Variants in DNAJC30 observed in about 807,000 individuals in gnomAD.
DNAJC30 encodes the protein dnaJ homolog subfamily C member 30, mitochondrial.
In DNAJC30, 16 loss-of-function variants were observed where a neutral mutation model predicts 15.4. The observed-to-expected ratio is 1.04, with a 90% CI of 0.70 to 1.58. The LOEUF is 1.58. Ranked by LOEUF, DNAJC30 falls within the 40% of genes most tolerant of loss-of-function variation. The pLI is 0.00. For synonymous variants in DNAJC30, 161 were observed against 140.2 expected, an observed-to-expected ratio of 1.15 and a Z score of -1.05; for missense variants, 352 against 320.9, an observed-to-expected ratio of 1.10 and a Z score of -0.74.
At position 73,682,931 on chromosome 7, in the gene DNAJC30, CA is replaced by C; in HGVS notation, c.492del (p.Phe164LeufsTer19). The C allele has an allele frequency of 6.2e-7, 1 of 1,613,748 alleles. No homozygotes were observed. The highest frequency in any genetic ancestry group is 8.5e-7 in the Non-Finnish European group (1 of 1,179,898). On this transcript the variant is annotated frameshift_variant, in exon 1 of 1. Transcript: ENST00000395176. LOFTEE classifies it high-confidence loss of function. ...CCGTAGTGGGCCTGGTAGAAGGCGT[CA>C]AAGTTGAACATCGTGCGGTTGGCGC... ...SPGANRTMFN[F>X]DAFYQAHYGE...
In DNAJC30 at chr7:73,682,940, A is replaced by G; in HGVS notation, c.484T>C (p.Phe162Leu). ...GCCTGGTAGAAGGCGTCAAAGTTGA[A>G]CATCGTGCGGTTGGCGCCGGGGGAG... ...RASPGANRTM[F>L]NFDAFYQAHY... Residue 162 changes from phenylalanine to leucine, a missense_variant, in exon 1 of 1, where the codon TTC becomes CTC. Coordinates refer to ENST00000395176, the MANE Select transcript of DNAJC30 (RefSeq NM_032317.3). 6.2e-7 allele frequency: 1 copy of G among 1,612,460 alleles called. No homozygotes were observed. Among genetic ancestry groups the G allele is most frequent in the Non-Finnish European group, 8.5e-7 (1 of 1,178,974 alleles).
In DNAJC30 at chr7:73,681,789, C is replaced by G. The variant is rs1287749008; in HGVS notation, c.*954G>C. ...TGGCCAGCATGGTGAAACCCCGTAT[C>G]TACTAAAAATACAAAACACTAGCCA... On this transcript the variant is annotated 3_prime_UTR_variant, in exon 1 of 1. Transcript: ENST00000395176. 2 of 152,186 alleles carry G rather than the reference C, an allele frequency of 1.3e-5. No individual in the cohort carries two copies. Among genetic ancestry groups the G allele is most frequent in the African/African-American group, 4.8e-5 (2 of 41,418 alleles). The allele number at this position is 152,186 out of a possible 1,614,324, so 9.4% of individuals were successfully genotyped here. A position where few individuals can be genotyped will look rare whatever the true frequency, so the allele number is the denominator to read the frequency against.
chr7:73,683,382 A>T lies in DNAJC30; in HGVS notation c.42T>A (p.Pro14=). 1 of 1,612,718 alleles carries T rather than the reference A, an allele frequency of 6.2e-7. No individual in the cohort carries two copies. Among genetic ancestry groups the T allele is most frequent in the Non-Finnish European group, 8.5e-7 (1 of 1,179,818 alleles). ...AGCCACGGGCCTGCAGCAACCTCCA[A>T]GGTAACAGCCGCTGCCACCATCGCC... The part of the protein sequence containing the change: ...MRWRWWQRLL[P]WRLLQARGFP... The change falls in exon 1 of 1, where the codon CCT becomes CCA. Residue 14 remains proline (P), a synonymous_variant. Coordinates refer to ENST00000395176, the MANE Select transcript of DNAJC30 (RefSeq NM_032317.3).
Position 73,683,240 on chromosome 7 carries a change from G to A in DNAJC30, c.184C>T (p.Gln62Ter). The part of the protein sequence containing the change: ...DLLGVPSTAT[Q>*]AQIKAAYYRQ... Reference sequence around the variant, plus strand: ...TAGTAAGCCGCCTTGATTTGGGCCTGCGTGGCTGTGGAGGGGACGCCGAGC... The same window carrying A: ...TAGTAAGCCGCCTTGATTTGGGCCTACGTGGCTGTGGAGGGGACGCCGAGC... Residue 62 changes from glutamine (Q) to a stop codon, truncating the protein, a stop_gained, in exon 1 of 1, where the codon CAG (glutamine) becomes TAG (stop). Coordinates refer to ENST00000395176, the MANE Select transcript of DNAJC30 (RefSeq NM_032317.3). LOFTEE classifies it high-confidence loss of function. 6.2e-7 allele frequency: 1 copy of A among 1,614,190 alleles called. No individual in the cohort carries two copies. The highest frequency in any genetic ancestry group is 8.5e-7 in the Non-Finnish European group (1 of 1,180,044).
At position 73,683,104 on chromosome 7, in the gene DNAJC30, C is replaced by T. The variant is rs1554611684; in HGVS notation, c.320G>A (p.Arg107His). 1 of 1,610,662 alleles carries T rather than the reference C, an allele frequency of 6.2e-7. No homozygotes were observed. The change falls in exon 1 of 1, where the codon CGT becomes CAT. Residue 107 changes from arginine to histidine, a missense_variant. Physicochemically the swap from Arg to His is conservative, Grantham distance 29. Coordinates refer to ENST00000395176, the MANE Select transcript of DNAJC30 (RefSeq NM_032317.3). The stretch of plus-strand genomic sequence containing the variant: ...GAGTAGGCCGCGATCATACTTGCGA[C>T]GGAGGGTGGCACTGCCCAGCACCAC... ...AYVVLGSATLRRKYDRGLLSD... is the reference protein window; with the variant it reads ...AYVVLGSATLHRKYDRGLLSD...
Position 73,682,763 on chromosome 7 carries a change from T to C in DNAJC30, c.661A>G (p.Ile221Val). ...TCCGATTAAATATAAAAGCCGATGA[T>C]GATGAAGATTGAAAAGATGAGGAAA... is the stretch of plus-strand genomic sequence containing the variant. ...AIFLIFSIFI[I>V]IGFYI The change falls in exon 1 of 1, where the codon ATC becomes GTC. Residue 221 changes from isoleucine to valine, a missense_variant. Coordinates refer to ENST00000395176, the MANE Select transcript of DNAJC30 (RefSeq NM_032317.3). 6.2e-7 allele frequency: 1 copy of C among 1,607,318 alleles called. No individual in the cohort carries two copies. The highest frequency in any genetic ancestry group is 8.5e-7 in the Non-Finnish European group (1 of 1,175,486).
Position 73,682,895 on chromosome 7 carries a change from CCA to C in DNAJC30, c.527_528del (p.Leu176ArgfsTer104), listed in dbSNP as rs1797758622. 6.2e-7 allele frequency: 1 copy of C among 1,614,096 alleles called. No individual in the cohort carries two copies. Among genetic ancestry groups the C allele is most frequent in the East Asian group, 2.2e-5 (1 of 44,882 alleles). ...CGGGCCCTCAGGCGCCGTTCCCGCTCCAGTTGTTCCCCGTAGTGGGCCTGGTA... is the reference window on the plus strand; with the variant it reads ...CGGGCCCTCAGGCGCCGTTCCCGCTCGTTGTTCCCCGTAGTGGGCCTGGTA... ...AFYQAHYGEQ[L>X]ERERRLRARR... On this transcript the variant is annotated frameshift_variant, in exon 1 of 1. Coordinates refer to ENST00000395176, the MANE Select transcript of DNAJC30 (RefSeq NM_032317.3). LOFTEE classifies it high-confidence loss of function.
chr7:73,682,636 C>A lies in DNAJC30; in HGVS notation c.*107G>T. The A allele has an allele frequency of 7.3e-7, 1 of 1,378,452 alleles. No individual in the cohort carries two copies. Among genetic ancestry groups the A allele is most frequent in the South Asian group, 1.5e-5 (1 of 68,158 alleles). 85.4% of individuals were successfully genotyped at this position (1,378,452 alleles called of 1,614,324 possible). On this transcript the variant is annotated 3_prime_UTR_variant, in exon 1 of 1. Transcript: ENST00000395176. ...GAGGGCAGGGGGAGTACAGTTCCTT[C>A]GGATCCCAGCAAAGGTAGACTATCA...
At position 73,683,301 on chromosome 7, in the gene DNAJC30, G is replaced by A. The variant is rs782543414; in HGVS notation, c.123C>T (p.Gly41=). ...LGLGARTYSQ[G]DCSYSRTALY... is the part of the protein sequence containing the mutation. Reference sequence around the variant, plus strand: ...GCGCCGTGCGCGAATACGAGCAGTCGCCCTGGGAATAAGTCCTCGCTCCTA... The same window carrying A: ...GCGCCGTGCGCGAATACGAGCAGTCACCCTGGGAATAAGTCCTCGCTCCTA... Residue 41 remains glycine, a synonymous_variant, in exon 1 of 1, where the codon GGC becomes GGT. Transcript: ENST00000395176. The A allele has an allele frequency of 3.1e-6, 5 of 1,613,932 alleles. No homozygotes were observed. Among genetic ancestry groups the A allele is most frequent in the Non-Finnish European group, 4.2e-6 (5 of 1,180,050 alleles).
At position 73,681,021 on chromosome 7, in the gene DNAJC30, T is replaced by G. The variant is rs1797695252; in HGVS notation, c.*1722A>C. On this transcript the variant is annotated 3_prime_UTR_variant, in exon 1 of 1. Transcript: ENST00000395176. ...TTACCTAAGGATTTTACACAATACA[T>G]TGAGTGCAGGAATGGCACGCAATGA... is the stretch of plus-strand genomic sequence containing the variant. 1 of 152,164 alleles carries G rather than the reference T, an allele frequency of 6.6e-6. No homozygotes were observed. The highest frequency in any genetic ancestry group is 1.5e-5 in the Non-Finnish European group (1 of 68,042). 9.4% of individuals were successfully genotyped at this position (152,164 alleles called of 1,614,324 possible).
In DNAJC30 at chr7:73,682,915, G is replaced by A; in HGVS notation, c.509C>T (p.Ala170Val). 1.2e-6 allele frequency: 2 copies of A among 1,614,002 alleles called. No homozygotes were observed. Among genetic ancestry groups the A allele is most frequent in the African/African-American group, 1.3e-5 (1 of 75,078 alleles). Reference sequence around the variant, plus strand: ...CCGCTCCAGTTGTTCCCCGTAGTGGGCCTGGTAGAAGGCGTCAAAGTTGAA... The same window carrying A: ...CCGCTCCAGTTGTTCCCCGTAGTGGACCTGGTAGAAGGCGTCAAAGTTGAA... ...TMFNFDAFYQ[A>V]HYGEQLERER... is the part of the protein sequence containing the mutation. The change falls in exon 1 of 1, where the codon GCC becomes GTC. Residue 170 changes from alanine to valine, a missense_variant. Coordinates refer to ENST00000395176, the MANE Select transcript of DNAJC30 (RefSeq NM_032317.3).
rs782558149 is a variant in DNAJC30, at chr7:73,682,838, G to C, written c.586C>G (p.Arg196Gly). ...TCCCAGCGGAGGCCTTTCATGGACC[G>C]ATACTCCTGCCGTTTGCGAAGGGCC... is the stretch of plus-strand genomic sequence containing the variant. ...REALRKRQEY[R>G]SMKGLRWEDT... Residue 196 changes from arginine to glycine, a missense_variant, in exon 1 of 1, where the codon CGG becomes GGG. Transcript: ENST00000395176. 14 of 1,613,936 alleles carry C rather than the reference G, an allele frequency of 8.7e-6. No homozygotes were observed. Among genetic ancestry groups the C allele is most frequent in the Non-Finnish European group, 1.1e-5 (13 of 1,180,050 alleles).
At position 73,682,987 on chromosome 7, in the gene DNAJC30, C is replaced by T. The variant is rs1418931872; in HGVS notation, c.437G>A (p.Arg146Gln). Residue 146 changes from arginine to glutamine, a missense_variant, in exon 1 of 1, where the codon CGG becomes CAG. By Grantham distance (43) the Arg-to-Gln change is conservative. Coordinates refer to ENST00000395176, the MANE Select transcript of DNAJC30 (RefSeq NM_032317.3). ...GGAGGCCCGAGAACCGTCGTGGGTCCGAGAGGTGGGCGGCGGGGTACGCGG... is the reference window on the plus strand; with the variant it reads ...GGAGGCCCGAGAACCGTCGTGGGTCTGAGAGGTGGGCGGCGGGGTACGCGG... ...GSPRTPPPTS[R>Q]THDGSRASPG... 5.6e-6 allele frequency: 9 copies of T among 1,599,036 alleles called. No homozygotes were observed. Among genetic ancestry groups the T allele is most frequent in the Admixed American group, 1.7e-5 (1 of 58,700 alleles).
At position 73,682,640 on chromosome 7, in the gene DNAJC30, TC is replaced by T; in HGVS notation, c.*102del. On this transcript the variant is annotated 3_prime_UTR_variant, in exon 1 of 1. Coordinates refer to ENST00000395176, the MANE Select transcript of DNAJC30 (RefSeq NM_032317.3). Reference sequence around the variant, plus strand: ...GCAGGGGGAGTACAGTTCCTTCGGATCCCAGCAAAGGTAGACTATCAATGGC... The same window carrying T: ...GCAGGGGGAGTACAGTTCCTTCGGATCCAGCAAAGGTAGACTATCAATGGC... 7.1e-7 allele frequency: 1 copy of T among 1,404,234 alleles called. No homozygotes were observed. The highest frequency in any genetic ancestry group is 9.5e-7 in the Non-Finnish European group (1 of 1,051,950). 87.0% of individuals were successfully genotyped at this position (1,404,234 alleles called of 1,614,324 possible). A position where few individuals can be genotyped will look rare whatever the true frequency, so the allele number is the denominator to read the frequency against.
Position 73,683,067 on chromosome 7 carries a change from G to T in DNAJC30, c.357C>A (p.Asp119Glu). 6.2e-7 allele frequency: 1 copy of T among 1,602,268 alleles called. No homozygotes were observed. ...AGGGCCGGACGCCAGGTCCGCGCAG[G>T]TCCTCGTCGCTGAGTAGGCCGCGAT... ...KYDRGLLSDE[D>E]LRGPGVRPSR... Residue 119 changes from aspartate to glutamate, a missense_variant, in exon 1 of 1, where the codon GAC (aspartate) becomes GAA (glutamate). Physicochemically the swap from Asp to Glu is conservative, Grantham distance 45 (BLOSUM62 2). Coordinates refer to ENST00000395176, the MANE Select transcript of DNAJC30 (RefSeq NM_032317.3).
rs1797775001 is a variant in DNAJC30, at chr7:73,683,202, A to G, written c.222T>C (p.Phe74=). ...CGGAGTTGCGGTCCGGGTGGTAGAG[A>G]AAGCACTGACGGTAGTAAGCCGCCT... The part of the protein sequence containing the change: ...QIKAAYYRQC[F]LYHPDRNSGS... The change falls in exon 1 of 1, where the codon TTT becomes TTC. Residue 74 remains phenylalanine (F), a synonymous_variant. Coordinates refer to ENST00000395176, the MANE Select transcript of DNAJC30 (RefSeq NM_032317.3). 6.2e-7 allele frequency: 1 copy of G among 1,614,180 alleles called. No homozygotes were observed. The highest frequency in any genetic ancestry group is 8.5e-7 in the Non-Finnish European group (1 of 1,180,036).
Position 73,682,833 on chromosome 7 carries a change from G to A in DNAJC30, c.591C>T (p.Ser197=), listed in dbSNP as rs1554611539. 17 of 1,613,994 alleles carry A rather than the reference G, an allele frequency of 1.1e-5. No individual in the cohort carries two copies. The highest frequency in any genetic ancestry group is 1.3e-5 in the Non-Finnish European group (15 of 1,180,060). Residue 197 remains serine, a synonymous_variant, in exon 1 of 1, where the codon TCC becomes TCT. Coordinates refer to ENST00000395176, the MANE Select transcript of DNAJC30 (RefSeq NM_032317.3). ...TATCCTCCCAGCGGAGGCCTTTCAT[G>A]GACCGATACTCCTGCCGTTTGCGAA... is the stretch of plus-strand genomic sequence containing the variant. ...EALRKRQEYR[S]MKGLRWEDTR...
rs1554611564 is a variant in DNAJC30 at position 73,682,868 on chromosome 7, G to T, written c.556C>A (p.Arg186=). The T allele has an allele frequency of 6.2e-7, 1 of 1,614,118 alleles. No homozygotes were observed. Among genetic ancestry groups the T allele is most frequent in the South Asian group, 1.1e-5 (1 of 91,090 alleles). The change falls in exon 1 of 1, where the codon CGG becomes AGG. Residue 186 remains arginine, a synonymous_variant. Transcript: ENST00000395176. ...LERERRLRAR[R]EALRKRQEYR... ...TCCTGCCGTTTGCGAAGGGCCTCCC[G>T]CCGGGCCCTCAGGCGCCGTTCCCGC...
At position 73,683,251 on chromosome 7, in the gene DNAJC30, G is replaced by A; in HGVS notation, c.173C>T (p.Ser58Phe). 1 of 1,614,176 alleles carries A rather than the reference G, an allele frequency of 6.2e-7. No homozygotes were observed. ...CTTGATTTGGGCCTGCGTGGCTGTG[G>A]AGGGGACGCCGAGCAGATCATACAG... The part of the protein sequence containing the change: ...TALYDLLGVP[S>F]TATQAQIKAA... The change falls in exon 1 of 1, where the codon TCC becomes TTC. Residue 58 changes from serine (S) to phenylalanine (F), a missense_variant. Physicochemically the swap from Ser to Phe is radical, Grantham distance 155. Coordinates refer to ENST00000395176, the MANE Select transcript of DNAJC30 (RefSeq NM_032317.3).
Sources: gnomAD v4.1 joint callset for allele counts on GRCh38, gnomAD v4.1.1 for gene constraint, MANE v1.5 for transcripts, NCBI Gene and HGNC (gene_info 2026-07-23, HGNC 2026-07-21) for gene names.